CAST: variants seen among roughly 807,000 people sequenced by gnomAD.
The protein encoded by CAST is MIR583 host.
In CAST, 76 loss-of-function variants were observed where a neutral mutation model predicts 119.6. The ratio of observed to expected loss-of-function variants is 0.64; its 90% CI spans 0.53 to 0.77. The LOEUF (loss-of-function observed/expected upper bound fraction) is 0.77, where lower values mean the gene tolerates loss of function less well. Among genes scored for constraint, CAST ranks in the 30% least tolerant of loss-of-function variants. The pLI is 0.00. For missense variants in CAST, 953 were observed against 946.5 expected (o/e 1.01, Z -0.09); for synonymous variants, 319 against 331.6 (o/e 0.96, Z 0.41).
At chr5:96,198,652 G>T in the CAST span, among the ~76,000 whole-genome samples, 1,183 of 152,206 alleles carry the variant, frequency 7.8e-3, 21 homozygotes, top group African/African-American at 0.028. Context: ...AAGTATGTAT[G>T]AAATTATAGT....
At chr5:96,078,537 G>C in the CAST span, among the ~76,000 whole-genome samples, 1 of 152,058 alleles carries the variant, frequency 6.6e-6, no homozygotes, top group African/African-American at 2.4e-5. Context: ...GGGATTACAG[G>C]AATGTGCCAC....
intron 30 of CAST, among the ~76,000 whole-genome samples, chr5:96,771,154 A>G (rs111981161): frequency 1.1e-4 from 16 of 152,200 alleles, no homozygotes; most frequent in African/African-American, 3.6e-4. Context: ...GGGATATAGG[A>G]AACAGCATTG....
chr5:96,474,217 G>A, the CAST span, among the ~76,000 whole-genome samples: 1 of 152,218 alleles, frequency 6.6e-6, no homozygotes, highest in Admixed American at 6.5e-5. Context: ...TGCCAGGAAC[G>A]AGGTCCAAAT....
the CAST span, among the ~76,000 whole-genome samples, chr5:96,383,627 T>C: frequency 6.6e-6 from 1 of 152,168 alleles, no homozygotes; most frequent in Non-Finnish European, 1.5e-5. Flanking sequence ...TTTGTATTTT[T>C]AGTAGAGATG....
chr5:96,429,106 C>T, the CAST span: 1 of 686,066 alleles, frequency 1.5e-6, no homozygotes, highest in South Asian at 1.7e-5. Flanking sequence ...ATCTTGGTCA[C>T]AATAAAAAAA....
At chr5:96,133,794 G>T in the CAST span, among the ~76,000 whole-genome samples, 27 of 152,182 alleles carry the variant, frequency 1.8e-4, no homozygotes, top group African/African-American at 6.5e-4. Flanking sequence ...GAAAAGGGGG[G>T]CTGCATTGGT....
At chr5:96,276,284 A>C in the CAST span, among the ~76,000 whole-genome samples, 2 of 152,212 alleles carry the variant, frequency 1.3e-5, no homozygotes, top group Admixed American at 1.3e-4. Context: ...AAAAATGTAC[A>C]ATATGTTGAT....
the CAST span, among the ~76,000 whole-genome samples, chr5:96,092,825 C>G: frequency 6.6e-6 from 1 of 152,152 alleles, no homozygotes; most frequent in Admixed American, 6.5e-5. Flanking sequence ...ATAGAAAGAG[C>G]TGAAAGAGAC....
rs1489502901 is a variant in CAST at position 96,550,120 on chromosome 5, C to T, written c.60+20240C>T. Among the ~76,000 whole-genome samples the T allele has an allele frequency of 5.3e-5, 8 of 152,326 alleles. No individual in the cohort carries two copies. In the East Asian group the frequency reaches 1.5e-3, roughly 29 times the overall value. ...CTGCCTCCTCAAGTGGGTCCCTGAC[C>T]CCCGTGTAGCCTGACTGGGAGACAC... On this transcript the variant is annotated intron_variant, in intron 1 of 11. Coordinates refer to the CAST transcript ENST00000505143.
intron 8 of CAST, among the ~76,000 whole-genome samples, chr5:96,730,026 G>GCA (rs200768536): frequency 0.013 from 1,972 of 152,272 alleles, 23 homozygotes; most frequent in East Asian, 0.036. Flanking sequence ...CTCCCAGACA[G>GCA]GCAGCTTTGG....
chr5:96,676,108 T>G (rs1750673920), intron 2 of CAST, among the ~76,000 whole-genome samples: 1 of 152,224 alleles, frequency 6.6e-6, no homozygotes, highest in South Asian at 2.1e-4. Flanking sequence ...TCTTTGAGGC[T>G]GTTTCTTCTT....
chr5:96,333,247 C>G, the CAST span, among the ~76,000 whole-genome samples: 3 of 151,970 alleles, frequency 2.0e-5, no homozygotes, highest in Admixed American at 6.6e-5. Flanking sequence ...TTAGAGTGAC[C>G]TGTACAGTGT....
At chr5:96,604,056 C>A (rs986607352) in intron 1 of CAST, among the ~76,000 whole-genome samples, 2 of 152,170 alleles carry the variant, frequency 1.3e-5, no homozygotes, top group Non-Finnish European at 2.9e-5. Context: ...TAAGCCACCC[C>A]ACCTGGCCCC....
At chr5:96,489,304 G>C in the CAST span, among the ~76,000 whole-genome samples, 1 of 152,150 alleles carries the variant, frequency 6.6e-6, no homozygotes, top group Non-Finnish European at 1.5e-5. Context: ...AGAGTAACTT[G>C]GGCTGGCATC....
At chr5:96,205,658 T>G in the CAST span, among the ~76,000 whole-genome samples, 1 of 152,128 alleles carries the variant, frequency 6.6e-6, no homozygotes, top group Non-Finnish European at 1.5e-5. Flanking sequence ...ATTCTGTTTT[T>G]ATGGCTGTGT....
the CAST span, among the ~76,000 whole-genome samples, chr5:96,116,791 T>A: frequency 6.6e-6 from 1 of 152,250 alleles, no homozygotes; most frequent in Non-Finnish European, 1.5e-5. Flanking sequence ...GTGTATCTTC[T>A]TTCTACTGAG....
chr5:96,569,483 T>C (rs1746533854), intron 1 of CAST, among the ~76,000 whole-genome samples: 2 of 152,204 alleles, frequency 1.3e-5, no homozygotes, highest in South Asian at 4.1e-4. Context: ...CCGCTGTTCT[T>C]ATAAGCCACT....
chr5:96,117,266 T>C, the CAST span, among the ~76,000 whole-genome samples: 1 of 152,252 alleles, frequency 6.6e-6, no homozygotes, highest in Non-Finnish European at 1.5e-5. Context: ...TAGTTTCTTA[T>C]ATTTAGGTCT....
At chr5:96,700,213 C>T (rs781054506) in intron 3 of CAST, among the ~76,000 whole-genome samples, 1 of 152,090 alleles carries the variant, frequency 6.6e-6, no homozygotes, top group Non-Finnish European at 1.5e-5. Flanking sequence ...GACAAGAAAG[C>T]GTTTTTATTT....
Sources: gnomAD v4.1 joint callset for allele counts (sites outside exome capture counted in the v4.1 genomes callset) on GRCh38, gnomAD v4.1.1 for gene constraint, MANE v1.5 for transcripts, NCBI Gene and HGNC (gene_info 2026-07-23, HGNC 2026-07-21) for gene names.